AKAP19: variants seen among roughly 807,000 people sequenced by gnomAD.
AKAP19 encodes A-kinase anchoring protein 19.
the AKAP19 span, among the ~76,000 whole-genome samples, chr2:189,902,592 T>C: frequency 6.6e-6 from 1 of 152,006 alleles, no homozygotes; most frequent in Non-Finnish European, 1.5e-5. Flanking sequence ...TGTCAACTGG[T>C]ATGTGGTATC....
chr2:190,115,371 G>C, the AKAP19 span, among the ~76,000 whole-genome samples: 9 of 105,366 alleles, frequency 8.5e-5, no homozygotes, highest in African/African-American at 3.4e-4. Flanking sequence ...CCAGGCTGGA[G>C]TGCAGTGGCG....
At chr2:189,913,487 C>G in the AKAP19 span, among the ~76,000 whole-genome samples, 1 of 152,056 alleles carries the variant, frequency 6.6e-6, no homozygotes, top group Admixed American at 6.6e-5. Flanking sequence ...CCTCCTAAAA[C>G]TATATGTTAC....
the AKAP19 span, among the ~76,000 whole-genome samples, chr2:190,012,134 A>G: frequency 1.3e-5 from 2 of 152,022 alleles, no homozygotes; most frequent in African/African-American, 4.8e-5. Flanking sequence ...TTTTCAGTAT[A>G]CAGATTTTTC....
chr2:190,038,399 G>A, the AKAP19 span, among the ~76,000 whole-genome samples: 1 of 152,052 alleles, frequency 6.6e-6, no homozygotes, highest in Non-Finnish European at 1.5e-5. Context: ...GATGCCCTTA[G>A]TCTAGGCATT....
At chr2:189,941,066 A>G in the AKAP19 span, among the ~76,000 whole-genome samples, 17 of 152,348 alleles carry the variant, frequency 1.1e-4, no homozygotes, top group East Asian at 3.3e-3. Context: ...ACTTCTCAAT[A>G]GAAATCAGGC....
chr2:190,120,984 C>T, the AKAP19 span, among the ~76,000 whole-genome samples: 3 of 152,046 alleles, frequency 2.0e-5, no homozygotes, highest in Non-Finnish European at 4.4e-5. Context: ...CTATTACCAG[C>T]TGCTTATTCT....
At chr2:190,001,577 G>C in the AKAP19 span, among the ~76,000 whole-genome samples, 6 of 152,168 alleles carry the variant, frequency 3.9e-5, no homozygotes, top group South Asian at 2.1e-4. Flanking sequence ...GTTTGTTTTA[G>C]TTTTAAACCT....
At chr2:190,081,847 A>G in the AKAP19 span, among the ~76,000 whole-genome samples, 2 of 152,126 alleles carry the variant, frequency 1.3e-5, no homozygotes, top group Non-Finnish European at 2.9e-5. Flanking sequence ...AGCACCCCCC[A>G]TTCCACAACT....
chr2:189,931,666 C>T, the AKAP19 span, among the ~76,000 whole-genome samples: 1 of 152,058 alleles, frequency 6.6e-6, no homozygotes, highest in Non-Finnish European at 1.5e-5. Flanking sequence ...CCTCCTGCCT[C>T]AGCCCCAAAT....
the AKAP19 span, among the ~76,000 whole-genome samples, chr2:190,038,932 T>TTCTTCC: frequency 7.1e-6 from 1 of 141,096 alleles, no homozygotes; most frequent in African/African-American, 2.8e-5. Flanking sequence ...CTTCTTCTTC[T>TTCTTCC]TCTTCTTCTT....
At chr2:190,068,890 TGAGC>T in the AKAP19 span, among the ~76,000 whole-genome samples, 1 of 152,158 alleles carries the variant, frequency 6.6e-6, no homozygotes, top group South Asian at 2.1e-4. Context: ...AGTGGAGCAC[TGAGC>T]ACTTTGAGTA....
chr2:190,058,304 A>C, the AKAP19 span, among the ~76,000 whole-genome samples: 1 of 152,048 alleles, frequency 6.6e-6, no homozygotes, highest in African/African-American at 2.4e-5. Flanking sequence ...AAATCTGAGG[A>C]ACACAACATA....
At chr2:189,976,423 C>T in the AKAP19 span, among the ~76,000 whole-genome samples, 1 of 152,218 alleles carries the variant, frequency 6.6e-6, no homozygotes, top group Non-Finnish European at 1.5e-5. Context: ...CTTCAGGGGT[C>T]AGGGACCCAC....
chr2:189,955,264 A>G, the AKAP19 span, among the ~76,000 whole-genome samples: 1 of 152,042 alleles, frequency 6.6e-6, no homozygotes, highest in Non-Finnish European at 1.5e-5. Flanking sequence ...TCTGTAAAAG[A>G]CGTTCTTTCT....
chr2:190,172,871 G>A, the AKAP19 span, among the ~76,000 whole-genome samples: 1 of 152,116 alleles, frequency 6.6e-6, no homozygotes, highest in Non-Finnish European at 1.5e-5. Flanking sequence ...CCAGCACTTT[G>A]GGAGGCTGAG....
the AKAP19 span, among the ~76,000 whole-genome samples, chr2:190,138,787 TC>T: frequency 1.3e-5 from 2 of 152,234 alleles, no homozygotes; most frequent in African/African-American, 4.8e-5. Flanking sequence ...GTTTTTATCA[TC>T]TTTAGCTCCC....
At chr2:190,004,014 A>G in the AKAP19 span, among the ~76,000 whole-genome samples, 1 of 151,980 alleles carries the variant, frequency 6.6e-6, no homozygotes, top group Admixed American at 6.5e-5. Flanking sequence ...ACTTCTCACA[A>G]TTGTCACTAA....
chr2:189,996,796 T>A, the AKAP19 span, among the ~76,000 whole-genome samples: 183 of 152,330 alleles, frequency 1.2e-3, no homozygotes, highest in Middle Eastern at 0.014. Flanking sequence ...TCCCTTGTTG[T>A]TATGCACTCT....
chr2:189,966,350 A>G, the AKAP19 span, among the ~76,000 whole-genome samples: 1 of 152,188 alleles, frequency 6.6e-6, no homozygotes, highest in African/African-American at 2.4e-5. Flanking sequence ...AAAAAAGACA[A>G]TTAGTGCCGA....
Sources: gnomAD v4.1 joint callset for allele counts (sites outside exome capture counted in the v4.1 genomes callset) on GRCh38, gnomAD v4.1.1 for gene constraint, MANE v1.5 for transcripts, NCBI Gene and HGNC (gene_info 2026-07-23, HGNC 2026-07-21) for gene names.